Variants in ANKRD44 observed in about 807,000 individuals in gnomAD.
ANKRD44 encodes the protein serine/threonine-protein phosphatase 6 regulatory ankyrin repeat subunit B.
Under a neutral mutation model 116.0 loss-of-function variants are expected in ANKRD44, and 35 were observed. The observed-to-expected ratio is 0.30, with a 90% CI of 0.23 to 0.40. The LOEUF (loss-of-function observed/expected upper bound fraction) is 0.40, where lower values mean the gene tolerates loss of function less well. Ranked by LOEUF, ANKRD44 falls within the 10% of genes least tolerant of loss-of-function variation. ANKRD44 has a pLI of 1.00. For synonymous variants in ANKRD44, 435 were observed against 461.8 expected, an observed-to-expected ratio of 0.94 and a Z score of 0.74; for missense variants, 1,014 against 1,242.6, an observed-to-expected ratio of 0.82 and a Z score of 2.77.
intron 1 of ANKRD44, among the ~76,000 whole-genome samples, chr2:197,193,037 A>G (rs2080861156): frequency 1.3e-5 from 2 of 152,238 alleles, no homozygotes; most frequent in South Asian, 4.1e-4. Context: ...ATGCCCTCCA[A>G]GTAGCATATT....
intron 1 of ANKRD44, among the ~76,000 whole-genome samples, chr2:197,191,996 T>C (rs2080835533): frequency 6.6e-6 from 1 of 152,150 alleles, no homozygotes; most frequent in Non-Finnish European, 1.5e-5. Context: ...AGACACACCC[T>C]CCATTTAAGA....
At chr2:197,046,444 T>G (rs2077002315) in intron 16 of ANKRD44, among the ~76,000 whole-genome samples, 1 of 152,200 alleles carries the variant, frequency 6.6e-6, no homozygotes, top group South Asian at 2.1e-4. Flanking sequence ...GGTCTTAGTT[T>G]GTCATTTCCA....
Position 197,075,536 on chromosome 2 carries a change from C to T in ANKRD44, c.1650+3167G>A, listed in dbSNP as rs151183012. Among the ~76,000 whole-genome samples, 182 of 152,302 alleles carry T rather than the reference C, an allele frequency of 1.2e-3. 4 individuals are homozygous for T. The East Asian group carries it at 0.032, about 26-fold the overall frequency. On this transcript the variant is annotated intron_variant, in intron 16 of 27. Transcript: ENST00000282272. The stretch of plus-strand genomic sequence containing the variant: ...TTTTTGCTTGCACACATAGTACGAA[C>T]GTCTTTGATCAAGACCAGCTGAGAA...
downstream of ANKRD44, among the ~76,000 whole-genome samples, chr2:196,986,406 A>AAAAACAAAAC (rs57186025): frequency 0.032 from 4,801 of 152,012 alleles, 243 homozygotes; most frequent in African/African-American, 0.11. Flanking sequence ...CAGAGCAGAA[A>AAAAACAAAAC]AAAACAAAAC....
At chr2:197,301,850 A>G (rs1037922188) in intron 1 of ANKRD44, among the ~76,000 whole-genome samples, 4 of 152,222 alleles carry the variant, frequency 2.6e-5, no homozygotes, top group African/African-American at 9.6e-5. Flanking sequence ...AGCCACATGT[A>G]AGTTTTGGTT....
chr2:196,986,889 T>A lies in ANKRD44; in HGVS notation c.*2702A>T. The A allele has an allele frequency of 1.0e-6, 1 of 985,374 alleles. No individual in the cohort carries two copies. Among genetic ancestry groups the A allele is most frequent in the Non-Finnish European group, 1.2e-6 (1 of 829,864 alleles). The allele number at this position is 985,374 out of a possible 1,614,324, so 61.0% of individuals were successfully genotyped here. On this transcript the variant is annotated 3_prime_UTR_variant, in exon 28 of 28. Transcript: ENST00000282272. ...ATTTACCAGAGTCATTCAACTCCAA[T>A]TTACATAAGAAAACATTATAGACAA...
intron 16 of ANKRD44, among the ~76,000 whole-genome samples, chr2:197,036,249 G>A (rs1193219405): frequency 6.6e-6 from 1 of 151,946 alleles, no homozygotes; most frequent in Non-Finnish European, 1.5e-5. Flanking sequence ...CGTAAGTCAA[G>A]GTCTATGCAA....
In ANKRD44 at chr2:197,050,778, T is replaced by C. The variant is rs73049672; in HGVS notation, c.1651-25511A>G. On this transcript the variant is annotated intron_variant, in intron 16 of 27. Transcript: ENST00000282272. The stretch of plus-strand genomic sequence containing the variant: ...AAACTTTCCCCCTCAGAAAATTAGT[T>C]ATTGGGCTAATTAAATTATATTACT... Among the ~76,000 whole-genome samples the C allele has an allele frequency of 7.6e-3, 1,163 of 152,252 alleles. 18 individuals are homozygous for C. The highest frequency in any genetic ancestry group is 0.026 in the African/African-American group (1,095 of 41,524).
At chr2:197,102,368 T>C (rs576110577) in intron 9 of ANKRD44, among the ~76,000 whole-genome samples, 2 of 152,334 alleles carry the variant, frequency 1.3e-5, no homozygotes, top group East Asian at 1.9e-4. Context: ...AAAATTAATA[T>C]GTGGTTTTGT....
chr2:197,119,786 G>A (rs1310542266), intron 8 of ANKRD44, among the ~76,000 whole-genome samples: 3 of 152,222 alleles, frequency 2.0e-5, no homozygotes, highest in African/African-American at 7.2e-5. Flanking sequence ...AAGAAGGGAA[G>A]CCTGGGTTGA....
intron 1 of ANKRD44, among the ~76,000 whole-genome samples, chr2:197,198,360 A>G (rs1244291541): frequency 2.0e-5 from 3 of 152,154 alleles, no homozygotes; most frequent in African/African-American, 4.8e-5. Flanking sequence ...AATGGATTGT[A>G]TGATGACCTG....
In ANKRD44 at chr2:197,125,829, A is replaced by G; in HGVS notation, c.462+8T>C. 6.2e-7 allele frequency: 1 copy of G among 1,613,376 alleles called. No individual in the cohort carries two copies. Among genetic ancestry groups the G allele is most frequent in the Non-Finnish European group, 8.5e-7 (1 of 1,180,014 alleles). ...AGCGTTCCAATTCTGAATGATAAAA[A>G]TACCCACCTCCACGTGGCCGTTCAG... On this transcript the variant is annotated splice_region_variant and intron_variant, in intron 5 of 27. Transcript: ENST00000282272.
chr2:196,967,860 AGGTGG>A (rs2075685002), intron 21 of ANKRD44, among the ~76,000 whole-genome samples: 1 of 150,534 alleles, frequency 6.6e-6, no homozygotes. Flanking sequence ...CCAATGCTGG[AGGTGG>A]GGTGGGAGGT....
chr2:197,218,806 C>G (rs903412389), intron 1 of ANKRD44, among the ~76,000 whole-genome samples: 1 of 112,486 alleles, frequency 8.9e-6, no homozygotes, highest in African/African-American at 3.4e-5. Flanking sequence ...GTCACCCAGG[C>G]TGGAGTACAG....
chr2:197,278,734 T>C (rs752822888), intron 1 of ANKRD44, among the ~76,000 whole-genome samples: 2 of 152,182 alleles, frequency 1.3e-5, no homozygotes, highest in African/African-American at 2.4e-5. Flanking sequence ...CCAAAAGACC[T>C]CCCTACCCAC....
At chr2:197,170,466 A>G (rs537768179) in intron 2 of ANKRD44, among the ~76,000 whole-genome samples, 1 of 152,332 alleles carries the variant, frequency 6.6e-6, no homozygotes, top group East Asian at 1.9e-4. Flanking sequence ...ATGCTGTCAT[A>G]ATGTAGTCTT....
chr2:197,066,071 C>T lies in ANKRD44; in HGVS notation c.1650+12632G>A, dbSNP rs548083007. On this transcript the variant is annotated intron_variant, in intron 16 of 27. Transcript: ENST00000282272. ...CACTGGCAAACCGAATCCAGCAGCA[C>T]ATCAAAAAGCTTATTCACGATGATC... 2.6e-5 allele frequency among the ~76,000 whole-genome samples: 4 copies of T among 152,276 alleles called. No homozygotes were observed. In the South Asian group the frequency reaches 8.3e-4, roughly 32 times the overall value.
intron 9 of ANKRD44, among the ~76,000 whole-genome samples, chr2:197,106,205 G>T (rs909687299): frequency 6.6e-6 from 1 of 152,102 alleles, no homozygotes; most frequent in Admixed American, 6.5e-5. Context: ...ACTTTGCAAG[G>T]CCAAGGTGGG....
At chr2:196,972,019 G>GT (rs1410843539) in intron 21 of ANKRD44, among the ~76,000 whole-genome samples, 3 of 152,172 alleles carry the variant, frequency 2.0e-5, no homozygotes, top group Admixed American at 1.3e-4. Flanking sequence ...TAGCCAAGGA[G>GT]TGTTTGAGGG....
Sources: allele counts gnomAD v4.1 joint callset (sites outside exome capture counted in the v4.1 genomes callset), GRCh38; gene constraint gnomAD v4.1.1; transcripts MANE v1.5; gene names NCBI Gene and HGNC (gene_info 2026-07-23, HGNC 2026-07-21).